ASCC3: variants seen among roughly 807,000 people sequenced by gnomAD.
ASCC3 encodes ASC-1 complex subunit P200.
ASCC3 carries 158 observed loss-of-function variants against 256.3 expected under a neutral mutation model. That is an observed-to-expected ratio of 0.62 (90% CI 0.54 to 0.70). The LOEUF is 0.70. ASCC3 is among the 30% of genes least tolerant of loss of function. ASCC3 has a pLI of 0.00. For missense variants in ASCC3, 2,259 were observed against 2,626.0 expected (o/e 0.86, Z 3.05); for synonymous variants, 948 against 883.4 (o/e 1.07, Z -1.30).
At position 100,646,621 on chromosome 6, in the gene ASCC3, AT is replaced by A. The variant is rs1232415210; in HGVS notation, c.3626del (p.Asn1209MetfsTer8). On this transcript the variant is annotated frameshift_variant, in exon 22 of 42. Coordinates refer to ENST00000369162, the MANE Select transcript of ASCC3 (RefSeq NM_006828.4). LOFTEE classifies it high-confidence loss of function. ...AGCCGTTTTCCACTTCTACCTGATC[AT>A]TCCAAGTGAAATCAGCATAGATGCT... is the stretch of plus-strand genomic sequence containing the variant. ...TLSIYADFTW[N>X]DQVHGTVGEP... 6.2e-7 allele frequency: 1 copy of A among 1,614,110 alleles called. No homozygotes were observed. Among genetic ancestry groups the A allele is most frequent in the African/African-American group, 1.3e-5 (1 of 75,066 alleles).
At chr6:100,520,424 CCTTCTT>C (rs951046780) in intron 37 of ASCC3, among the ~76,000 whole-genome samples, 5 of 150,942 alleles carry the variant, frequency 3.3e-5, no homozygotes, top group African/African-American at 1.2e-4. Context: ...TCCTTCTTCT[CCTTCTT>C]CTTCTTTTTT....
intron 22 of ASCC3, among the ~76,000 whole-genome samples, chr6:100,646,260 C>A (rs1235911811): frequency 6.6e-6 from 1 of 151,946 alleles, no homozygotes; most frequent in Non-Finnish European, 1.5e-5. Context: ...TACTAATATA[C>A]CATGGTTTTC....
intron 36 of ASCC3, among the ~76,000 whole-genome samples, chr6:100,555,982 T>G (rs976520152): frequency 2.6e-5 from 4 of 152,046 alleles, no homozygotes; most frequent in African/African-American, 9.7e-5. Context: ...GGCGACAGAG[T>G]GAAACCACAT....
Position 100,798,851 on chromosome 6 carries a change from A to G in ASCC3, c.1270-13T>C. The G allele has an allele frequency of 6.2e-7, 1 of 1,602,680 alleles. No homozygotes were observed. The highest frequency in any genetic ancestry group is 8.5e-7 in the Non-Finnish European group (1 of 1,171,584). ...CTGGCAAAATCATCTATAAACATCA[A>G]CAATAAAAATCCAATAATAATAAAA... On this transcript the variant is annotated splice_polypyrimidine_tract_variant and intron_variant, in intron 7 of 41. Transcript: ENST00000369162.
intron 36 of ASCC3, among the ~76,000 whole-genome samples, chr6:100,566,747 T>C (rs1770272754): frequency 6.6e-6 from 1 of 152,280 alleles, no homozygotes; most frequent in Non-Finnish European, 1.5e-5. Flanking sequence ...TCCATGAGCA[T>C]ATAAACATGC....
chr6:100,648,927 AG>A (rs1775521269), intron 20 of ASCC3, among the ~76,000 whole-genome samples: 1 of 151,934 alleles, frequency 6.6e-6, no homozygotes, highest in South Asian at 2.1e-4. Flanking sequence ...AGTTAAGCAT[AG>A]GCCTTTAAAT....
At chr6:100,576,083 C>T (rs545109821) in intron 36 of ASCC3, among the ~76,000 whole-genome samples, 1 of 151,966 alleles carries the variant, frequency 6.6e-6, no homozygotes, top group Admixed American at 6.6e-5. Context: ...GTTGCCAAAA[C>T]TGCTAAATGC....
At chr6:100,622,806 T>C (rs1774025696) in intron 30 of ASCC3, among the ~76,000 whole-genome samples, 1 of 152,040 alleles carries the variant, frequency 6.6e-6, no homozygotes, top group African/African-American at 2.4e-5. Context: ...TAAAGTTTTC[T>C]GCCGATAAAA....
intron 4 of ASCC3, among the ~76,000 whole-genome samples, chr6:100,811,049 C>T (rs527522424): frequency 6.6e-6 from 1 of 151,946 alleles, no homozygotes; most frequent in Non-Finnish European, 1.5e-5. Flanking sequence ...TCCATGTTTA[C>T]CCCCCGCCCA....
chr6:100,718,168 A>G lies in ASCC3; in HGVS notation c.1986T>C (p.His662=). The G allele has an allele frequency of 6.2e-7, 1 of 1,613,738 alleles. No homozygotes were observed. The highest frequency in any genetic ancestry group is 8.5e-7 in the Non-Finnish European group (1 of 1,179,750). ...PNYLDVATFL[H]VNPYIGLFFF... ...AGAAAAGTCCAATGTATGGATTAAC[A>G]TGTAAAAATGTGGCAACATCGAGGT... The change falls in exon 12 of 42, where the codon CAT becomes CAC. Residue 662 remains histidine (H), a synonymous_variant. Transcript: ENST00000369162.
intron 8 of ASCC3, among the ~76,000 whole-genome samples, chr6:100,792,793 G>A (rs1324986702): frequency 6.6e-6 from 1 of 151,834 alleles, no homozygotes; most frequent in East Asian, 1.9e-4. Flanking sequence ...TTTTAAAATT[G>A]CACTAACAAC....
intron 36 of ASCC3, among the ~76,000 whole-genome samples, chr6:100,543,849 T>C (rs1323722714): frequency 6.6e-6 from 1 of 152,138 alleles, no homozygotes; most frequent in East Asian, 1.9e-4. Flanking sequence ...CACTGTTAAC[T>C]AAGCTGACTT....
chr6:100,514,832 A>G (rs1327388583), intron 39 of ASCC3, among the ~76,000 whole-genome samples: 11 of 152,328 alleles, frequency 7.2e-5, no homozygotes. Flanking sequence ...CAAATCTCAC[A>G]GTCATACTGC....
chr6:100,650,842 G>C (rs1582634251), intron 19 of ASCC3, 128 bp from the exon 20 acceptor site: 1 of 763,860 alleles, frequency 1.3e-6, no homozygotes, highest in Non-Finnish European at 2.2e-6. Flanking sequence ...TTCTTTCATA[G>C]AGTTAAATAA....
chr6:100,762,179 TAAAC>T (rs1781453370), intron 10 of ASCC3, among the ~76,000 whole-genome samples: 1 of 152,058 alleles, frequency 6.6e-6, no homozygotes, highest in South Asian at 2.1e-4. Context: ...AAGCAAAAAA[TAAAC>T]AAAAACAAAA....
At chr6:100,628,039 C>G in intron 27 of ASCC3, 52 bp from the exon 28 acceptor site, 1 of 1,563,202 alleles carries the variant, frequency 6.4e-7, no homozygotes, top group South Asian at 1.1e-5. Flanking sequence ...CTGTGTTGGT[C>G]ATTGCAGCAA....
intron 36 of ASCC3, among the ~76,000 whole-genome samples, chr6:100,587,379 G>A (rs965957449): frequency 1.3e-5 from 2 of 152,006 alleles, no homozygotes; most frequent in African/African-American, 4.8e-5. Context: ...ATACAATCTT[G>A]CTGTATTATT....
intron 30 of ASCC3, among the ~76,000 whole-genome samples, chr6:100,624,840 G>A (rs991250734): frequency 6.6e-6 from 1 of 151,684 alleles, no homozygotes; most frequent in Non-Finnish European, 1.5e-5. Flanking sequence ...TTATATATTA[G>A]TGCTTCCTAA....
intron 14 of ASCC3, among the ~76,000 whole-genome samples, chr6:100,669,736 G>GTAA (rs1776649234): frequency 6.6e-6 from 1 of 151,672 alleles, no homozygotes; most frequent in African/African-American, 2.4e-5. Context: ...GAAACAATAA[G>GTAA]ATCAATGACA....
Sources: allele counts gnomAD v4.1 joint callset (sites outside exome capture counted in the v4.1 genomes callset), GRCh38; gene constraint gnomAD v4.1.1; transcripts MANE v1.5; gene names NCBI Gene and HGNC (gene_info 2026-07-23, HGNC 2026-07-21).